SHCBP1L: variants seen among roughly 807,000 people sequenced by gnomAD.
SHCBP1L encodes the protein testicular spindle-associated protein SHCBP1L.
A neutral mutation model predicts 62.5 loss-of-function variants in SHCBP1L; 67 were observed. The observed-to-expected ratio is 1.07, with a 90% confidence interval of 0.88 to 1.31. SHCBP1L has a LOEUF of 1.31. SHCBP1L is among the 40% of genes most tolerant of loss of function. The pLI, the probability that SHCBP1L is intolerant of heterozygous loss-of-function variation, is 0.00. For missense variants in SHCBP1L, 823 were observed against 809.8 expected (o/e 1.02, Z -0.20); for synonymous variants, 284 against 289.4 (o/e 0.98, Z 0.19).
At chr1:182,916,745 A>G (rs1039899525) in intron 6 of SHCBP1L, among the ~76,000 whole-genome samples, 1 of 152,210 alleles carries the variant, frequency 6.6e-6, no homozygotes, top group Non-Finnish European at 1.5e-5. Context: ...AAAATCAGTA[A>G]GCAAAAATCT....
chr1:182,901,412 G>A (rs1217326577), intron 9 of SHCBP1L, among the ~76,000 whole-genome samples: 4 of 152,096 alleles, frequency 2.6e-5, no homozygotes, highest in Admixed American at 6.6e-5. Flanking sequence ...AGCTGAGATC[G>A]CGCCATTACA....
intron 9 of SHCBP1L, among the ~76,000 whole-genome samples, chr1:182,902,434 A>G (rs755391377): frequency 6.6e-6 from 1 of 152,162 alleles, no homozygotes; most frequent in African/African-American, 2.4e-5. Flanking sequence ...ATATAATACA[A>G]TTCCTTCCCT....
Position 182,951,422 on chromosome 1 carries a change from A to T in SHCBP1L, c.451T>A (p.Leu151Ile). ...CCAAGCCATTTGTCTTTCAACTTTA[A>T]TTTTTCTGATAGGTATTTACCCATA... ...EVMGKYLSEK[L>I]KLKDKWLGVW... Residue 151 changes from leucine to isoleucine, a missense_variant, in exon 2 of 10, where the codon TTA (leucine) becomes ATA (isoleucine). Physicochemically the swap from Leu to Ile is conservative, Grantham distance 5. Coordinates refer to ENST00000367547, the MANE Select transcript of SHCBP1L (RefSeq NM_030933.4). 6.2e-7 allele frequency: 1 copy of T among 1,608,864 alleles called. No individual in the cohort carries two copies. Among genetic ancestry groups the T allele is most frequent in the East Asian group, 2.2e-5 (1 of 44,688 alleles).
intron 6 of SHCBP1L, among the ~76,000 whole-genome samples, chr1:182,923,154 A>G (rs930139168): frequency 2.2e-4 from 33 of 152,282 alleles, no homozygotes; most frequent in African/African-American, 7.7e-4. Context: ...ATTCCTGCAA[A>G]CACACAATCT....
rs868364926 is a variant in SHCBP1L, at chr1:182,953,039, C to A, written c.95G>T (p.Gly32Val). ...RGEKSASAVS[G>V]DTAAATTLKG... ...CAGGGTGGTCGCGGCCGCCGTGTCC[C>A]CGGAGACAGCGGAGGCGGACTTCTC... Residue 32 changes from glycine (G) to valine (V), a missense_variant, in exon 1 of 10, where the codon GGG (glycine) becomes GTG (valine). Coordinates refer to ENST00000367547, the MANE Select transcript of SHCBP1L (RefSeq NM_030933.4). 28 of 1,544,840 alleles carry A rather than the reference C, an allele frequency of 1.8e-5. No individual in the cohort carries two copies. In the African/African-American group the frequency reaches 2.5e-4, roughly 14 times the overall value.
intron 1 of SHCBP1L, chr1:182,952,494 TCCCGTTA>T: frequency 4.1e-6 from 2 of 487,364 alleles, no homozygotes; most frequent in Non-Finnish European, 7.1e-6. Flanking sequence ...CTCAGGGCTG[TCCCGTTA>T]CCTGACGAAT....
chr1:182,900,511 C>A (rs1165455211), intron 9 of SHCBP1L, among the ~76,000 whole-genome samples: 6 of 152,110 alleles, frequency 3.9e-5, no homozygotes, highest in Non-Finnish European at 8.8e-5. Flanking sequence ...TGGCTCACTG[C>A]AACCTCCGCC....
chr1:182,902,991 T>C, intron 9 of SHCBP1L, 48 bp downstream of exon 9: 1 of 1,400,208 alleles, frequency 7.1e-7, no homozygotes. Context: ...GTACTTATAA[T>C]TACTTACAAT....
chr1:182,939,597 C>A (rs1417948512), intron 3 of SHCBP1L, 44 bp from the exon 4 acceptor site: 1 of 1,398,460 alleles, frequency 7.2e-7, no homozygotes, highest in East Asian at 2.4e-5. Context: ...AAAACAGCCA[C>A]TACTGATTTA....
intron 5 of SHCBP1L, among the ~76,000 whole-genome samples, chr1:182,934,111 T>C (rs996764680): frequency 6.6e-6 from 1 of 152,210 alleles, no homozygotes; most frequent in Non-Finnish European, 1.5e-5. Context: ...TCTAATTTGT[T>C]GGCTTATTTA....
At chr1:182,935,646 C>A (rs1651141779) in intron 5 of SHCBP1L, among the ~76,000 whole-genome samples, 1 of 151,896 alleles carries the variant, frequency 6.6e-6, no homozygotes, top group South Asian at 2.1e-4. Context: ...CCTTTTGTTT[C>A]TTTTTCTTGT....
chr1:182,904,302 C>A lies in SHCBP1L; in HGVS notation c.1465G>T (p.Val489Leu). Residue 489 changes from valine (V) to leucine (L), a missense_variant, in exon 8 of 10, where the codon GTG (valine) becomes TTG (leucine). Physicochemically the swap from Val to Leu is conservative, Grantham distance 32 (BLOSUM62 1). Coordinates refer to ENST00000367547, the MANE Select transcript of SHCBP1L (RefSeq NM_030933.4). Reference sequence around the variant, plus strand: ...GTCATGTGACCAGACTCCACCACCACGATACCATCAACCGTCCCTTGTTGT... The same window carrying A: ...GTCATGTGACCAGACTCCACCACCAAGATACCATCAACCGTCCCTTGTTGT... ...LIQQGTVDGIVVVESGHMTLE... is the reference protein window; with the variant it reads ...LIQQGTVDGILVVESGHMTLE... 4 of 1,614,114 alleles carry A rather than the reference C, an allele frequency of 2.5e-6. No homozygotes were observed. Among genetic ancestry groups the A allele is most frequent in the Non-Finnish European group, 2.5e-6 (3 of 1,180,030 alleles).
intron 6 of SHCBP1L, 66 bp from the exon 7 acceptor site, chr1:182,905,715 G>T: frequency 1.4e-6 from 2 of 1,474,398 alleles, no homozygotes. Flanking sequence ...ATTTTAATCA[G>T]TTACTTACTG....
intron 3 of SHCBP1L, 142 bp from the exon 4 acceptor site, chr1:182,939,695 A>C: frequency 1.6e-6 from 1 of 633,518 alleles, no homozygotes; most frequent in Non-Finnish European, 2.6e-6. Flanking sequence ...TGAGTGAACT[A>C]AAAGGTAAAA....
rs758926403 is a variant in SHCBP1L, at chr1:182,905,485, G to C, written c.1336+11C>G. The C allele has an allele frequency of 1.4e-5, 23 of 1,611,708 alleles. No individual in the cohort carries two copies. Among genetic ancestry groups the C allele is most frequent in the African/African-American group, 2.7e-5 (2 of 74,786 alleles). ...TGCTGTAAAAAAAACTACAAAGGAT[G>C]CCCTGCTAACCCTTTATAATGATGT... On this transcript the variant is annotated intron_variant, in intron 7 of 9. Coordinates refer to ENST00000367547, the MANE Select transcript of SHCBP1L (RefSeq NM_030933.4).
chr1:182,929,847 G>T, intron 5 of SHCBP1L, 95 bp from the exon 6 acceptor site: 1 of 773,944 alleles, frequency 1.3e-6, no homozygotes, highest in South Asian at 1.9e-5. Context: ...AAGCATCTTT[G>T]AGAAATGTTT....
At chr1:182,945,410 C>T (rs567692319) in intron 2 of SHCBP1L, among the ~76,000 whole-genome samples, 2 of 152,296 alleles carry the variant, frequency 1.3e-5, no homozygotes, top group African/African-American at 4.8e-5. Context: ...TTCCAGAGTT[C>T]TCTGACCAGT....
chr1:182,935,044 ATCTG>A (rs1558001079), intron 5 of SHCBP1L, among the ~76,000 whole-genome samples: 1 of 151,982 alleles, frequency 6.6e-6, no homozygotes, highest in Non-Finnish European at 1.5e-5. Context: ...TCACTGTTCT[ATCTG>A]TCTCTTCCAT....
chr1:182,904,463 G>A (rs1306181399), intron 7 of SHCBP1L, 33 bp from the exon 8 acceptor site: 1 of 1,607,372 alleles, frequency 6.2e-7, no homozygotes, highest in Middle Eastern at 1.7e-4. Context: ...CATTAAATCA[G>A]TAATCTCCCA....
Sources: gnomAD v4.1 joint callset for allele counts (sites outside exome capture counted in the v4.1 genomes callset) on GRCh38, gnomAD v4.1.1 for gene constraint, MANE v1.5 for transcripts, NCBI Gene and HGNC (gene_info 2026-07-23, HGNC 2026-07-21) for gene names.